Variants in AZI2 observed in about 807,000 individuals in gnomAD.
AZI2 encodes the protein 5-azacytidine-induced protein 2.
A neutral mutation model predicts 45.8 loss-of-function variants in AZI2; 22 were observed. The ratio of observed to expected loss-of-function variants is 0.48; its 90% CI spans 0.34 to 0.69. The LOEUF (loss-of-function observed/expected upper bound fraction) is 0.69, where lower values mean the gene tolerates loss of function less well. Among genes scored for constraint, AZI2 ranks in the 30% least tolerant of loss-of-function variants. The probability of loss-of-function intolerance (pLI) is 0.01; values close to 1 mark genes in which losing one functional copy is unlikely to be tolerated. For missense variants in AZI2, 417 were observed against 441.5 expected, an observed-to-expected ratio of 0.94 and a Z score of 0.50; for synonymous variants, 137 against 156.7, an observed-to-expected ratio of 0.87 and a Z score of 0.94.
chr3:28,341,031 T>C (rs1022209498), intron 1 of AZI2, among the ~76,000 whole-genome samples: 1 of 152,076 alleles, frequency 6.6e-6, no homozygotes, highest in Admixed American at 6.6e-5. Flanking sequence ...GCAAGTTTCA[T>C]AGCTTCTCAA....
chr3:28,338,731 G>T, intron 2 of AZI2, 116 bp from the exon 3 acceptor site: 1 of 889,982 alleles, frequency 1.1e-6, no homozygotes, highest in Non-Finnish European at 1.6e-6. Flanking sequence ...ATAAAGCCTG[G>T]ATTCATTAGG....
chr3:28,332,022 G>C (rs569422815), intron 6 of AZI2: 10 of 928,500 alleles, frequency 1.1e-5, no homozygotes, highest in Non-Finnish European at 1.7e-5. Context: ...GGCCAAGTAG[G>C]CTCTTAAGAC....
At chr3:28,333,968 TCTTTTA>T (rs1482697325) in intron 5 of AZI2, among the ~76,000 whole-genome samples, 1 of 151,426 alleles carries the variant, frequency 6.6e-6, no homozygotes, top group Non-Finnish European at 1.5e-5. Flanking sequence ...ATCTAGTATC[TCTTTTA>T]CTTCTTTGGC....
Position 28,332,417 on chromosome 3 carries a change from T to C in AZI2, c.599A>G (p.Gln200Arg), listed in dbSNP as rs934233936. ...ATCTCTGCTCTTCAGATTGTCTTCCTGATATGGATCCTGTCATTTGTTTAA... is the reference window on the plus strand; with the variant it reads ...ATCTCTGCTCTTCAGATTGTCTTCCCGATATGGATCCTGTCATTTGTTTAA... ...LQKAKQTDPY[Q>R]EDNLKSRDLQ... Residue 200 changes from glutamine (Q) to arginine (R), a missense_variant, in exon 6 of 8, where the codon CAG (glutamine) becomes CGG (arginine). Gln to Arg is a conservative substitution (Grantham distance 43). Transcript: ENST00000479665. 3 of 1,608,216 alleles carry C rather than the reference T, an allele frequency of 1.9e-6. No individual in the cohort carries two copies. In the African/African-American group the frequency reaches 4.0e-5, roughly 22 times the overall value.
At chr3:28,328,548 TAAAC>T (rs1288271920) in intron 6 of AZI2, among the ~76,000 whole-genome samples, 2 of 151,110 alleles carry the variant, frequency 1.3e-5, no homozygotes, top group Non-Finnish European at 3.0e-5. Flanking sequence ...GGCATGGAAA[TAAAC>T]AATTCTAGTA....
intron 6 of AZI2, among the ~76,000 whole-genome samples, chr3:28,330,446 T>C (rs1371018721): frequency 2.6e-5 from 4 of 151,466 alleles, no homozygotes; most frequent in African/African-American, 9.6e-5. Context: ...CCCTATATAC[T>C]TTCTCCAATA....
rs546549882 is a variant in AZI2 at position 28,323,120 on chromosome 3, T to C, written c.*922A>G. ...TAAATCACTTTCTCAATAAATAGAA[T>C]ATTACATTTCAACACAAAGTCTAAC... is the stretch of plus-strand genomic sequence containing the variant. On this transcript the variant is annotated 3_prime_UTR_variant, in exon 8 of 8. Coordinates refer to ENST00000479665, the MANE Select transcript of AZI2 (RefSeq NM_022461.5). 20 of 151,228 alleles carry C rather than the reference T, an allele frequency of 1.3e-4. No individual in the cohort carries two copies. The highest frequency in any genetic ancestry group is 4.8e-4 in the African/African-American group (20 of 41,412). 9.4% of individuals were successfully genotyped at this position (151,228 alleles called of 1,614,324 possible).
chr3:28,325,550 C>T (rs1373754611), intron 7 of AZI2, among the ~76,000 whole-genome samples: 1 of 150,998 alleles, frequency 6.6e-6, no homozygotes, highest in African/African-American at 2.4e-5. Context: ...GAGCCTACCA[C>T]TGTCATAGGA....
At chr3:28,327,723 C>G (rs1427388404) in intron 6 of AZI2, among the ~76,000 whole-genome samples, 1 of 150,826 alleles carries the variant, frequency 6.6e-6, no homozygotes, top group Non-Finnish European at 1.5e-5. Context: ...CATTCATATT[C>G]AGACATTCAT....
In AZI2 at chr3:28,321,964, C is replaced by G. The variant is rs1392423010; in HGVS notation, c.*2078G>C. 6.6e-6 allele frequency: 1 copy of G among 151,184 alleles called. No individual in the cohort carries two copies. The highest frequency in any genetic ancestry group is 1.5e-5 in the Non-Finnish European group (1 of 67,470). 9.4% of individuals were successfully genotyped at this position (151,184 alleles called of 1,614,324 possible). A position where few individuals can be genotyped will look rare whatever the true frequency, so the allele number is the denominator to read the frequency against. ...GGAAGCTCTTTAGAGCAAGTTTCAGCTAGTATGAAAGAAGTCAACATAAAA... is the reference window on the plus strand; with the variant it reads ...GGAAGCTCTTTAGAGCAAGTTTCAGGTAGTATGAAAGAAGTCAACATAAAA... On this transcript the variant is annotated 3_prime_UTR_variant, in exon 8 of 8. Coordinates refer to ENST00000479665, the MANE Select transcript of AZI2 (RefSeq NM_022461.5).
chr3:28,330,769 T>C (rs950174227), intron 6 of AZI2, among the ~76,000 whole-genome samples: 14 of 151,486 alleles, frequency 9.2e-5, no homozygotes, highest in East Asian at 1.9e-4. Flanking sequence ...CACAAGTGTA[T>C]ATGAGCACTA....
rs145279298 is a variant in AZI2 at position 28,332,264 on chromosome 3, A to C, written c.647+105T>G. 5.8e-5 allele frequency: 56 copies of C among 966,574 alleles called. No individual in the cohort carries two copies. The African/African-American group carries it at 8.5e-4, about 15-fold the overall frequency. The allele number at this position is 966,574 out of a possible 1,614,324, so 59.9% of individuals were successfully genotyped here. ...TTACATCAGTATCCAAACAATATCC[A>C]TTTTTTGTTTTTAAGGTTAAGTCAT... On this transcript the variant is annotated intron_variant, in intron 6 of 7. Coordinates refer to ENST00000479665, the MANE Select transcript of AZI2 (RefSeq NM_022461.5).
At chr3:28,346,186 G>T (rs1411933122) in intron 1 of AZI2, among the ~76,000 whole-genome samples, 1 of 152,066 alleles carries the variant, frequency 6.6e-6, no homozygotes, top group Non-Finnish European at 1.5e-5. Context: ...ATGTCAAAAA[G>T]AACACTTTCC....
In AZI2 at chr3:28,340,605, C is replaced by T. The variant is rs767480555; in HGVS notation, c.13G>A (p.Val5Ile). Residue 5 changes from valine to isoleucine, a missense_variant, in exon 2 of 8, where the codon GTA (valine) becomes ATA (isoleucine). By Grantham distance (29) the Val-to-Ile change is conservative. Transcript: ENST00000479665. Reference sequence around the variant, plus strand: ...TTCAGAATACAGATATCATCTTCTACCAGTGCATCCATGACAACTGTTTAA... The same window carrying T: ...TTCAGAATACAGATATCATCTTCTATCAGTGCATCCATGACAACTGTTTAA... MDAL[V>I]EDDICILNHE... 1.2e-6 allele frequency: 2 copies of T among 1,607,552 alleles called. No individual in the cohort carries two copies. Among genetic ancestry groups the T allele is most frequent in the South Asian group, 2.2e-5 (2 of 89,190 alleles).
intron 5 of AZI2, among the ~76,000 whole-genome samples, chr3:28,336,278 G>A (rs1306485991): frequency 2.0e-5 from 3 of 152,024 alleles, no homozygotes; most frequent in African/African-American, 7.2e-5. Flanking sequence ...TTGAAAATAA[G>A]TAAGCTCTGT....
rs1313322582 is a variant in AZI2, at chr3:28,322,737, A to T, written c.*1305T>A. 2 of 151,634 alleles carry T rather than the reference A, an allele frequency of 1.3e-5. No individual in the cohort carries two copies. The highest frequency in any genetic ancestry group is 3.0e-5 in the Non-Finnish European group (2 of 67,404). The allele number at this position is 151,634 out of a possible 1,614,324, so 9.4% of individuals were successfully genotyped here. ...GACACCAATTCCATTAATCACAGAC[A>T]AGCTTGAATAAGTGTAAGATAATAG... On this transcript the variant is annotated 3_prime_UTR_variant, in exon 8 of 8. Coordinates refer to ENST00000479665, the MANE Select transcript of AZI2 (RefSeq NM_022461.5).
chr3:28,323,988 G>C lies in AZI2; in HGVS notation c.*54C>G. 2 of 1,502,186 alleles carry C rather than the reference G, an allele frequency of 1.3e-6. No homozygotes were observed. Among genetic ancestry groups the C allele is most frequent in the Non-Finnish European group, 1.8e-6 (2 of 1,113,452 alleles). 93.1% of individuals were successfully genotyped at this position (1,502,186 alleles called of 1,614,324 possible). On this transcript the variant is annotated 3_prime_UTR_variant, in exon 8 of 8. Coordinates refer to ENST00000479665, the MANE Select transcript of AZI2 (RefSeq NM_022461.5). ...CAGTTTGTTAAATAATTTCTTGGGA[G>C]GACCACTGAAAGAGATAAGTGTCCT...
rs1179338431 is a variant in AZI2 at position 28,321,234 on chromosome 3, G to C, written c.*2808C>G. 1 of 151,186 alleles carries C rather than the reference G, an allele frequency of 6.6e-6. No individual in the cohort carries two copies. Among genetic ancestry groups the C allele is most frequent in the African/African-American group, 2.4e-5 (1 of 41,286 alleles). 9.4% of individuals were successfully genotyped at this position (151,186 alleles called of 1,614,324 possible). On this transcript the variant is annotated 3_prime_UTR_variant, in exon 8 of 8. Transcript: ENST00000479665. ...TGCCCATATTTCCACATTGACCTTTGGTATTGGTGCATTTCCTAGAGCACA... is the reference window on the plus strand; with the variant it reads ...TGCCCATATTTCCACATTGACCTTTCGTATTGGTGCATTTCCTAGAGCACA...
In AZI2 at chr3:28,323,392, T is replaced by C. The variant is rs1188668718; in HGVS notation, c.*650A>G. On this transcript the variant is annotated 3_prime_UTR_variant, in exon 8 of 8. Transcript: ENST00000479665. ...TTTTTCCCAATTAGGACTTAAGGAATGTGCTGGGACAAAGTTGGCTTCAGT... is the reference window on the plus strand; with the variant it reads ...TTTTTCCCAATTAGGACTTAAGGAACGTGCTGGGACAAAGTTGGCTTCAGT... The C allele has an allele frequency of 6.7e-6, 1 of 149,524 alleles. No homozygotes were observed. Among genetic ancestry groups the C allele is most frequent in the Non-Finnish European group, 1.5e-5 (1 of 66,696 alleles). The allele number at this position is 149,524 out of a possible 1,614,324, so 9.3% of individuals were successfully genotyped here.
Sources: gnomAD v4.1 joint callset for allele counts (sites outside exome capture counted in the v4.1 genomes callset) on GRCh38, gnomAD v4.1.1 for gene constraint, MANE v1.5 for transcripts, NCBI Gene and HGNC (gene_info 2026-07-23, HGNC 2026-07-21) for gene names.